ASAP2: variants seen among roughly 807,000 people sequenced by gnomAD.
ASAP2 encodes arf-GAP with SH3 domain, ANK repeat and PH domain-containing protein 2.
In ASAP2, 45 loss-of-function variants were observed where a neutral mutation model predicts 131.4. That is an observed-to-expected ratio of 0.34 (90% CI 0.27 to 0.44). ASAP2 has a LOEUF of 0.44. Among genes scored for constraint, ASAP2 ranks in the 20% least tolerant of loss-of-function variants. ASAP2 has a pLI of 1.00. For synonymous variants in ASAP2, 510 were observed against 503.0 expected (o/e 1.01, Z -0.19); for missense variants, 1,011 against 1,297.0 (o/e 0.78, Z 3.39).
At chr2:9,293,724 C>T (rs1431305797) in intron 2 of ASAP2, among the ~76,000 whole-genome samples, 19 of 152,074 alleles carry the variant, frequency 1.2e-4, no homozygotes, top group African/African-American at 2.4e-5. Flanking sequence ...GAGGAAGACA[C>T]GGGGCTTATG....
chr2:9,343,713 T>C (rs527284393), intron 9 of ASAP2, among the ~76,000 whole-genome samples: 1 of 152,306 alleles, frequency 6.6e-6, no homozygotes, highest in South Asian at 2.1e-4. Context: ...TCCCCAGATG[T>C]TGGGATTACA....
intron 20 of ASAP2, 82 bp from the exon 21 acceptor site, chr2:9,385,163 C>G: frequency 2.8e-6 from 3 of 1,065,974 alleles, no homozygotes; most frequent in Non-Finnish European, 4.3e-6. Flanking sequence ...GAAGGCAGGC[C>G]TCCTGCCTGC....
chr2:9,243,728 G>A (rs1490033266), intron 1 of ASAP2, among the ~76,000 whole-genome samples: 1 of 152,184 alleles, frequency 6.6e-6, no homozygotes, highest in Non-Finnish European at 1.5e-5. Flanking sequence ...CTGGTACGTA[G>A]TCACTCATTC....
chr2:9,370,141 A>AT (rs1673833404), intron 16 of ASAP2, among the ~76,000 whole-genome samples: 2 of 152,060 alleles, frequency 1.3e-5, no homozygotes, highest in Non-Finnish European at 2.9e-5. Flanking sequence ...CCTGGCCTAG[A>AT]TTTTTTTTAA....
chr2:9,216,973 A>G (rs369217184), intron 1 of ASAP2, among the ~76,000 whole-genome samples: 176 of 152,232 alleles, frequency 1.2e-3, no homozygotes, highest in African/African-American at 4.2e-3. Context: ...TACATATATC[A>G]ATTATTAACT....
chr2:9,372,558 C>A (rs1674061169), intron 16 of ASAP2, among the ~76,000 whole-genome samples: 1 of 152,108 alleles, frequency 6.6e-6, no homozygotes, highest in Admixed American at 6.5e-5. Flanking sequence ...AGAACATCAC[C>A]AAACTTTTGA....
chr2:9,371,416 A>G (rs558697938), intron 16 of ASAP2, among the ~76,000 whole-genome samples: 13 of 152,318 alleles, frequency 8.5e-5, no homozygotes, highest in African/African-American at 2.4e-4. Flanking sequence ...CTTCTGGTGA[A>G]CCAGTGACTA....
intron 20 of ASAP2, 42 bp downstream of exon 20, chr2:9,380,850 G>A (rs774156557): frequency 5.0e-5 from 79 of 1,595,356 alleles, no homozygotes; most frequent in Admixed American, 1.0e-4. Context: ...CACCTGTCAC[G>A]GGACAGGGAG....
chr2:9,240,591 A>G (rs1375321679), intron 1 of ASAP2, among the ~76,000 whole-genome samples: 3 of 152,132 alleles, frequency 2.0e-5, no homozygotes, highest in African/African-American at 4.8e-5. Context: ...AGCACTTGCC[A>G]CGCACCACGG....
At chr2:9,308,622 C>T (rs1669100433) in intron 3 of ASAP2, among the ~76,000 whole-genome samples, 1 of 152,172 alleles carries the variant, frequency 6.6e-6, no homozygotes, top group Non-Finnish European at 1.5e-5. Flanking sequence ...TTAGCTTAGC[C>T]TGGCCTGGCA....
At chr2:9,363,561 A>G (rs1318904229) in intron 15 of ASAP2, among the ~76,000 whole-genome samples, 3 of 152,104 alleles carry the variant, frequency 2.0e-5, no homozygotes, top group Non-Finnish European at 4.4e-5. Context: ...TTTCATACAT[A>G]TACCTGTTGG....
intron 1 of ASAP2, among the ~76,000 whole-genome samples, chr2:9,247,896 T>C (rs577169148): frequency 1.3e-5 from 2 of 152,352 alleles, no homozygotes; most frequent in Non-Finnish European, 2.9e-5. Context: ...TCTCCTCCTC[T>C]GCCCCCCACA....
At chr2:9,294,814 G>A (rs1668053812) in intron 2 of ASAP2, among the ~76,000 whole-genome samples, 2 of 152,068 alleles carry the variant, frequency 1.3e-5, no homozygotes, top group South Asian at 2.1e-4. Context: ...AGGACACCAC[G>A]GCCCAGCTCC....
intron 1 of ASAP2, among the ~76,000 whole-genome samples, chr2:9,216,202 G>A (rs1662013926): frequency 6.6e-6 from 1 of 152,110 alleles, no homozygotes; most frequent in South Asian, 2.1e-4. Context: ...TTCAGTGAGG[G>A]TATGGATTTG....
At chr2:9,315,688 T>C (rs1324473530) in intron 3 of ASAP2, among the ~76,000 whole-genome samples, 1 of 152,138 alleles carries the variant, frequency 6.6e-6, no homozygotes, top group Non-Finnish European at 1.5e-5. Flanking sequence ...AATCTAGGCG[T>C]GCTTGCTGTC....
chr2:9,386,397 AG>A (rs988818328), intron 21 of ASAP2, among the ~76,000 whole-genome samples: 1 of 151,918 alleles, frequency 6.6e-6, no homozygotes, highest in African/African-American at 2.4e-5. Context: ...AAAAAAAAAA[AG>A]CTGGAAGCAG....
At chr2:9,255,663 T>G (rs2148165752) in intron 1 of ASAP2, among the ~76,000 whole-genome samples, 1 of 152,314 alleles carries the variant, frequency 6.6e-6, no homozygotes, top group Admixed American at 6.5e-5. Context: ...CCTGAGTTGA[T>G]GAAGGGAGTC....
At chr2:9,292,737 G>C (rs1325738003) in intron 2 of ASAP2, among the ~76,000 whole-genome samples, 1 of 152,198 alleles carries the variant, frequency 6.6e-6, no homozygotes, top group Non-Finnish European at 1.5e-5. Context: ...TAAGTGATCA[G>C]TGCATAGACT....
intron 1 of ASAP2, among the ~76,000 whole-genome samples, chr2:9,270,892 A>C (rs1357156585): frequency 7.1e-6 from 1 of 140,480 alleles, no homozygotes; most frequent in East Asian, 2.1e-4. Flanking sequence ...TCCCGGGTTC[A>C]CGCCATTCTC....
Sources: gnomAD v4.1 joint callset for allele counts (sites outside exome capture counted in the v4.1 genomes callset) on GRCh38, gnomAD v4.1.1 for gene constraint, MANE v1.5 for transcripts, NCBI Gene and HGNC (gene_info 2026-07-23, HGNC 2026-07-21) for gene names.